DPP6: variants seen among roughly 807,000 people sequenced by gnomAD.
DPP6 encodes the protein A-type potassium channel modulatory protein DPP6.
In DPP6, 69 loss-of-function variants were observed where a neutral mutation model predicts 122.6. That is an observed-to-expected ratio of 0.56 (90% confidence interval 0.46 to 0.69). The LOEUF is 0.69. Among genes scored for constraint, DPP6 ranks in the 30% least tolerant of loss-of-function variants. DPP6 has a pLI of 0.00. For synonymous variants in DPP6, 418 were observed against 433.1 expected (o/e 0.97, Z 0.43); for missense variants, 928 against 1,116.9 (o/e 0.83, Z 2.41).
intron 1 of DPP6, among the ~76,000 whole-genome samples, chr7:154,073,640 G>C (rs1188423735): frequency 6.6e-6 from 1 of 152,178 alleles, no homozygotes; most frequent in Non-Finnish European, 1.5e-5. Context: ...ATGTGTAAAG[G>C]CCAAGATCCA....
intron 1 of DPP6, among the ~76,000 whole-genome samples, chr7:154,239,351 T>C (rs895963169): frequency 1.3e-5 from 2 of 152,298 alleles, no homozygotes; most frequent in East Asian, 3.9e-4. Context: ...GTTCCACTTA[T>C]ATGTGGATTT....
the DPP6 span, among the ~76,000 whole-genome samples, chr7:153,797,919 A>G: frequency 2.0e-5 from 3 of 151,896 alleles, no homozygotes; most frequent in East Asian, 3.9e-4. Context: ...TTGGCTCACT[A>G]TAAGCTCCGC....
intron 1 of DPP6, among the ~76,000 whole-genome samples, chr7:154,080,912 G>T (rs962381040): frequency 6.6e-6 from 1 of 152,092 alleles, no homozygotes; most frequent in African/African-American, 2.4e-5. Flanking sequence ...CCTTGGGTGT[G>T]CCTGGATGCT....
At chr7:154,838,741 A>G (rs1801286230) in intron 16 of DPP6, 1 of 152,240 alleles carries the variant, frequency 6.6e-6, no homozygotes, top group Non-Finnish European at 1.5e-5. Context: ...CCTCCTTATA[A>G]GTGACCTCCC....
rs993300580 is a variant in DPP6 at position 154,777,682 on chromosome 7, G to A, written c.1136+4740G>A. On this transcript the variant is annotated intron_variant, in intron 10 of 25. Transcript: ENST00000377770. ...TTCTGAAGACATGTTGCCCTGTGCT[G>A]ATATGTGCTGTTATTTGCCTCCAAA... is the stretch of plus-strand genomic sequence containing the variant. 3.3e-5 allele frequency among the ~76,000 whole-genome samples: 5 copies of A among 152,146 alleles called. 1 individual carries two copies. The highest frequency in any genetic ancestry group is 6.5e-5 in the Admixed American group (1 of 15,270).
chr7:154,670,475 ATAC>A (rs1374963427), intron 7 of DPP6, among the ~76,000 whole-genome samples: 1 of 152,218 alleles, frequency 6.6e-6, no homozygotes, highest in Non-Finnish European at 1.5e-5. Context: ...AATTTGGATA[ATAC>A]GGTCCTTCAG....
Position 154,060,603 on chromosome 7 carries a change from TCC to T in DPP6, c.243+7547_243+7548del, listed in dbSNP as rs541254261. On this transcript the variant is annotated intron_variant, in intron 1 of 25. Transcript: ENST00000377770. Reference sequence around the variant, plus strand: ...GGGATTACTGAGAGCCAGTCCCTCTTCCCCCCCCTGGCTCTGAGGACCCCCAT... The same window carrying T: ...GGGATTACTGAGAGCCAGTCCCTCTTCCCCCCTGGCTCTGAGGACCCCCAT... Among the ~76,000 whole-genome samples the T allele has an allele frequency of 2.7e-3, 191 of 71,518 alleles. 1 individual carries two copies. In the East Asian group the frequency reaches 0.027, roughly 10 times the overall value. The allele number at this position is 71,518 out of a possible 152,430, so 46.9% of individuals were successfully genotyped here.
intron 1 of DPP6, among the ~76,000 whole-genome samples, chr7:154,255,594 C>T (rs1319083655): frequency 6.6e-6 from 1 of 151,076 alleles, no homozygotes; most frequent in African/African-American, 2.5e-5. Flanking sequence ...TCATCTCTCC[C>T]CTCCTCCTGC....
intron 8 of DPP6, among the ~76,000 whole-genome samples, chr7:154,743,549 A>C (rs1842908412): frequency 6.6e-6 from 1 of 152,228 alleles, no homozygotes; most frequent in South Asian, 2.1e-4. Flanking sequence ...AGCTGCTCAA[A>C]TGCCTGCTTT....
At chr7:154,786,636 C>G (rs1797355170) in intron 10 of DPP6, among the ~76,000 whole-genome samples, 1 of 152,190 alleles carries the variant, frequency 6.6e-6, no homozygotes, top group African/African-American at 2.4e-5. Context: ...CCCTGCAGAA[C>G]TGTGAGTCAA....
chr7:153,808,770 A>G, the DPP6 span, among the ~76,000 whole-genome samples: 1 of 152,028 alleles, frequency 6.6e-6, no homozygotes, highest in African/African-American at 2.4e-5. Flanking sequence ...TTTGATAGTT[A>G]CTACAATTTC....
the DPP6 span, among the ~76,000 whole-genome samples, chr7:153,840,278 A>G: frequency 6.6e-6 from 1 of 152,220 alleles, no homozygotes; most frequent in South Asian, 2.1e-4. Flanking sequence ...AGCAACTCTC[A>G]GTCCAGGAAA....
intron 5 of DPP6, among the ~76,000 whole-genome samples, chr7:154,620,086 G>A (rs1834537071): frequency 1.3e-5 from 2 of 152,166 alleles, no homozygotes; most frequent in African/African-American, 4.8e-5. Flanking sequence ...AAGGGTCTGA[G>A]GACCACGCCT....
In DPP6 at chr7:154,519,888, G is replaced by A. The variant is rs191679317; in HGVS notation, c.458-20644G>A. ...TTTCAGAGATCTGAGTGCCGCTGGGGGAGGTGGCATCTCATATTTATAAAA... is the reference window on the plus strand; with the variant it reads ...TTTCAGAGATCTGAGTGCCGCTGGGAGAGGTGGCATCTCATATTTATAAAA... On this transcript the variant is annotated intron_variant, in intron 3 of 25. Coordinates refer to ENST00000377770, the MANE Select transcript of DPP6 (RefSeq NM_130797.4). Among the ~76,000 whole-genome samples, 296 of 152,256 alleles carry A rather than the reference G, an allele frequency of 1.9e-3. 1 individual carries two copies. Among genetic ancestry groups the A allele is most frequent in the Non-Finnish European group, 2.8e-3 (193 of 68,012 alleles).
chr7:153,964,461 A>G (rs1353209048), intron 1 of DPP6, among the ~76,000 whole-genome samples: 2 of 151,964 alleles, frequency 1.3e-5, no homozygotes, highest in African/African-American at 4.8e-5. Flanking sequence ...CTGGCCATCT[A>G]CCTGGGCACA....
At chr7:154,695,132 G>C (rs1461805077) in intron 7 of DPP6, among the ~76,000 whole-genome samples, 1 of 152,202 alleles carries the variant, frequency 6.6e-6, no homozygotes, top group African/African-American at 2.4e-5. Context: ...AAGACTACAG[G>C]GCTGGCGGCA....
intron 6 of DPP6, among the ~76,000 whole-genome samples, chr7:154,659,627 C>G (rs1259277577): frequency 6.6e-6 from 1 of 152,192 alleles, no homozygotes; most frequent in African/African-American, 2.4e-5. Context: ...ACTCTATTGC[C>G]TCAAGCCCTT....
At chr7:153,853,647 G>C in the DPP6 span, among the ~76,000 whole-genome samples, 5 of 152,204 alleles carry the variant, frequency 3.3e-5, no homozygotes, top group Admixed American at 3.3e-4. Context: ...CTGATAGACA[G>C]AGTGAAAGTG....
intron 1 of DPP6, among the ~76,000 whole-genome samples, chr7:154,404,729 C>G (rs755908196): frequency 2.0e-5 from 3 of 152,168 alleles, no homozygotes; most frequent in Non-Finnish European, 4.4e-5. Flanking sequence ...CCTCTCAATA[C>G]TTGGTATGGC....
Sources: gnomAD v4.1 joint callset for allele counts (sites outside exome capture counted in the v4.1 genomes callset) on GRCh38, gnomAD v4.1.1 for gene constraint, MANE v1.5 for transcripts, NCBI Gene and HGNC (gene_info 2026-07-23, HGNC 2026-07-21) for gene names.